Variants in TNFAIP8 observed in about 807,000 individuals in gnomAD.
The protein encoded by TNFAIP8 is tumor necrosis factor alpha-induced protein 8.
A neutral mutation model predicts 13.3 loss-of-function variants in TNFAIP8; 7 were observed. The observed-to-expected ratio is 0.52, with a 90% confidence interval of 0.30 to 0.99. The LOEUF (loss-of-function observed/expected upper bound fraction) is 0.99, where lower values mean the gene tolerates loss of function less well. TNFAIP8 is among the 50% of genes least tolerant of loss of function. TNFAIP8 has a pLI of 0.07. For synonymous variants in TNFAIP8, 94 were observed against 87.6 expected (o/e 1.07, Z -0.41); for missense variants, 258 against 236.9 (o/e 1.09, Z -0.58).
At chr5:119,271,019 T>G (rs2150797619) in intron 1 of TNFAIP8, among the ~76,000 whole-genome samples, 1 of 152,342 alleles carries the variant, frequency 6.6e-6, no homozygotes, top group Middle Eastern at 3.4e-3. Context: ...TCTCTTAATT[T>G]TCTATTTCAG....
At chr5:119,343,194 G>C (rs1750798933) in intron 1 of TNFAIP8, among the ~76,000 whole-genome samples, 1 of 152,206 alleles carries the variant, frequency 6.6e-6, no homozygotes, top group African/African-American at 2.4e-5. Context: ...CATTAATTAA[G>C]TCTGGAGTCC....
intron 1 of TNFAIP8, among the ~76,000 whole-genome samples, chr5:119,345,231 T>C (rs2112739962): frequency 6.6e-6 from 1 of 152,324 alleles, no homozygotes; most frequent in South Asian, 2.1e-4. Context: ...ATTGCATATA[T>C]TGGTCAGGGT....
At chr5:119,291,157 A>G (rs1184193741) in intron 1 of TNFAIP8, among the ~76,000 whole-genome samples, 1 of 152,236 alleles carries the variant, frequency 6.6e-6, no homozygotes, top group Non-Finnish European at 1.5e-5. Flanking sequence ...TCCCTTGATC[A>G]CATACTACCT....
chr5:119,393,923 G>GA lies in TNFAIP8; in HGVS notation c.*552dup, dbSNP rs3839241. The GA allele has an allele frequency of 0.019, 2,777 of 149,024 alleles. 76 individuals are homozygous for GA. The highest frequency in any genetic ancestry group is 0.062 in the African/African-American group (2,497 of 40,458). The allele number at this position is 149,024 out of a possible 1,614,324, so 9.2% of individuals were successfully genotyped here. On this transcript the variant is annotated 3_prime_UTR_variant, in exon 2 of 2. Coordinates refer to ENST00000504771, the MANE Select transcript of TNFAIP8 (RefSeq NM_014350.4). The stretch of plus-strand genomic sequence containing the variant: ...TAAGTCTGAGGTAGTCAACCCTCAG[G>GA]AAAAAAAAAATGGCTTATCTGAAAT...
At chr5:119,291,512 T>A (rs1318638286) in intron 1 of TNFAIP8, among the ~76,000 whole-genome samples, 1 of 152,280 alleles carries the variant, frequency 6.6e-6, no homozygotes, top group Non-Finnish European at 1.5e-5. Context: ...ATTTTATTTT[T>A]AAAAACTCAT....
At chr5:119,291,276 T>C (rs1007286580) in intron 1 of TNFAIP8, among the ~76,000 whole-genome samples, 1 of 152,246 alleles carries the variant, frequency 6.6e-6, no homozygotes, top group Non-Finnish European at 1.5e-5. Flanking sequence ...TCTAGCACAC[T>C]GGGTGCCCAA....
intron 1 of TNFAIP8, among the ~76,000 whole-genome samples, chr5:119,323,052 G>A (rs377687183): frequency 6.6e-6 from 1 of 152,106 alleles, no homozygotes; most frequent in African/African-American, 2.4e-5. Context: ...AGTATAGTCA[G>A]TTCTCCCGTG....
chr5:119,375,072 GAAAA>G (rs1159247166), intron 1 of TNFAIP8, among the ~76,000 whole-genome samples: 1 of 152,004 alleles, frequency 6.6e-6, no homozygotes. Flanking sequence ...ATTAGAAAAA[GAAAA>G]AAACACTATG....
chr5:119,300,547 AG>A (rs1749355666), intron 1 of TNFAIP8, among the ~76,000 whole-genome samples: 1 of 152,194 alleles, frequency 6.6e-6, no homozygotes, highest in African/African-American at 2.4e-5. Context: ...AGCATATAAA[AG>A]AGTGATAGTT....
chr5:119,384,459 G>A (rs1752597799), intron 1 of TNFAIP8, among the ~76,000 whole-genome samples: 1 of 151,924 alleles, frequency 6.6e-6, no homozygotes, highest in East Asian at 1.9e-4. Context: ...CTCCAGCCTG[G>A]GCAAAAGAGC....
At chr5:119,303,042 C>G (rs1158944326) in intron 1 of TNFAIP8, among the ~76,000 whole-genome samples, 2 of 152,148 alleles carry the variant, frequency 1.3e-5, no homozygotes, top group Non-Finnish European at 2.9e-5. Context: ...TTCAGCTCCT[C>G]CTCCCTGTTA....
chr5:119,276,612 T>G (rs1033571939), intron 1 of TNFAIP8, among the ~76,000 whole-genome samples: 6 of 152,194 alleles, frequency 3.9e-5, no homozygotes, highest in African/African-American at 1.4e-4. Flanking sequence ...GAGGCCTCCC[T>G]CCTTGCCTTT....
At chr5:119,368,139 T>C (rs1371397286) in intron 1 of TNFAIP8, among the ~76,000 whole-genome samples, 1 of 152,176 alleles carries the variant, frequency 6.6e-6, no homozygotes, top group Non-Finnish European at 1.5e-5. Context: ...CTTGAATCTG[T>C]GGTCCACTTG....
Position 119,398,819 on chromosome 5 carries a change from T to C in TNFAIP8, c.*5438T>C, listed in dbSNP as rs1753131357. ...ATATTGTTACCATTATCTGGGATAA[T>C]TGATGATTTATAAGAAGCTGAGGTT... On this transcript the variant is annotated 3_prime_UTR_variant, in exon 2 of 2. Coordinates refer to ENST00000504771, the MANE Select transcript of TNFAIP8 (RefSeq NM_014350.4). 1 of 152,202 alleles carries C rather than the reference T, an allele frequency of 6.6e-6. No individual in the cohort carries two copies. The highest frequency in any genetic ancestry group is 2.1e-4 in the South Asian group (1 of 4,836). The allele number at this position is 152,202 out of a possible 1,614,324, so 9.4% of individuals were successfully genotyped here.
chr5:119,384,110 T>G (rs1208351700), intron 1 of TNFAIP8, among the ~76,000 whole-genome samples: 1 of 152,202 alleles, frequency 6.6e-6, no homozygotes, highest in Admixed American at 6.5e-5. Context: ...GATAGTAACT[T>G]AATTTCTCTG....
chr5:119,274,616 G>A (rs186827789), intron 1 of TNFAIP8, among the ~76,000 whole-genome samples: 206 of 152,326 alleles, frequency 1.4e-3, no homozygotes, highest in African/African-American at 4.7e-3. Context: ...GACTGATAGT[G>A]CCTGAAGGAA....
chr5:119,374,137 C>T (rs1752191210), intron 1 of TNFAIP8, among the ~76,000 whole-genome samples: 1 of 151,926 alleles, frequency 6.6e-6, no homozygotes, highest in Non-Finnish European at 1.5e-5. Flanking sequence ...AAGTAAAATA[C>T]AGGTAGCGTA....
Position 119,323,852 on chromosome 5 carries a change from A to C in TNFAIP8, c.1+54945A>C, listed in dbSNP as rs147853301. 5.6e-4 allele frequency among the ~76,000 whole-genome samples: 85 copies of C among 152,318 alleles called. 1 individual carries two copies. In the East Asian group the frequency reaches 0.016, roughly 29 times the overall value. On this transcript the variant is annotated intron_variant, in intron 1 of 1. Transcript: ENST00000274456. Reference sequence around the variant, plus strand: ...TTTGAGCTTGTGTAAGCCAGGATCAAAATACCTGAGACTTGTTGAGACTTG... The same window carrying C: ...TTTGAGCTTGTGTAAGCCAGGATCACAATACCTGAGACTTGTTGAGACTTG...
chr5:119,347,085 C>G (rs1028540847), intron 1 of TNFAIP8, among the ~76,000 whole-genome samples: 1 of 152,178 alleles, frequency 6.6e-6, no homozygotes, highest in Non-Finnish European at 1.5e-5. Context: ...GTTGCTATTT[C>G]TTTAAGACCA....
Sources: gnomAD v4.1 joint callset for allele counts (sites outside exome capture counted in the v4.1 genomes callset) on GRCh38, gnomAD v4.1.1 for gene constraint, MANE v1.5 for transcripts, NCBI Gene and HGNC (gene_info 2026-07-23, HGNC 2026-07-21) for gene names.